CPNE9: variants seen among roughly 807,000 people sequenced by gnomAD.
The protein encoded by CPNE9 is copine family member 9, also known as copine-9.
CPNE9 carries 59 observed loss-of-function variants against 83.0 expected under a neutral mutation model. The ratio of observed to expected loss-of-function variants is 0.71; its 90% CI spans 0.58 to 0.88. The LOEUF (loss-of-function observed/expected upper bound fraction) is 0.88, where lower values mean the gene tolerates loss of function less well. CPNE9 is among the 40% of genes least tolerant of loss of function. The pLI is 0.00. For synonymous variants in CPNE9, 256 were observed against 273.4 expected, an observed-to-expected ratio of 0.94 and a Z score of 0.63; for missense variants, 619 against 720.8, an observed-to-expected ratio of 0.86 and a Z score of 1.62.
At position 9,704,820 on chromosome 3, in the gene CPNE9, C is replaced by T. The variant is rs368749767; in HGVS notation, c.156+25C>T. 6.2e-7 allele frequency: 1 copy of T among 1,600,098 alleles called. No individual in the cohort carries two copies. The highest frequency in any genetic ancestry group is 1.3e-5 in the African/African-American group (1 of 74,670). On this transcript the variant is annotated intron_variant, in intron 3 of 20. Coordinates refer to ENST00000383832, the MANE Select transcript of CPNE9 (RefSeq NM_153635.3). The surrounding 1 kb of genome is among the most constrained non-coding windows in gnomAD (Gnocchi z 7.1). ...GGTGAGTCCCAGAGCCCCCTCCCGGCCCAGGGCGTCGCCCGGGAATTCCCC... is the reference window on the plus strand; with the variant it reads ...GGTGAGTCCCAGAGCCCCCTCCCGGTCCAGGGCGTCGCCCGGGAATTCCCC...
chr3:9,715,511 T>A lies in CPNE9; in HGVS notation c.807T>A (p.Tyr269Ter). ...GGAAGAAATGTAAGAAGAAGAAATA[T>A]GTCAACTCAGGAACTGTGAGTGCTC... ...NPRKKCKKKK[Y>*]VNSGTVTLLS... Residue 269 changes from tyrosine (Y) to a stop codon, truncating the protein, a stop_gained, in exon 13 of 21, where the codon TAT becomes TAA. Coordinates refer to ENST00000383832, the MANE Select transcript of CPNE9 (RefSeq NM_153635.3). LOFTEE classifies it high-confidence loss of function. The A allele has an allele frequency of 6.2e-7, 1 of 1,614,040 alleles. No homozygotes were observed. The highest frequency in any genetic ancestry group is 8.5e-7 in the Non-Finnish European group (1 of 1,179,882).
chr3:9,706,390 C>G (rs781757373), intron 7 of CPNE9, among the ~76,000 whole-genome samples: 2 of 152,016 alleles, frequency 1.3e-5, no homozygotes, highest in African/African-American at 2.4e-5. Flanking sequence ...CGGACTAAGT[C>G]AAATCCTCAG....
chr3:9,721,396 C>T (rs1326448693), intron 17 of CPNE9, among the ~76,000 whole-genome samples: 1 of 152,194 alleles, frequency 6.6e-6, no homozygotes, highest in Non-Finnish European at 1.5e-5. Context: ...TCTCACATTG[C>T]ATCCCTGTTT....
chr3:9,710,048 C>T (rs1009697808), intron 7 of CPNE9, among the ~76,000 whole-genome samples: 3 of 150,784 alleles, frequency 2.0e-5, no homozygotes, highest in African/African-American at 7.3e-5. Context: ...CTACATTGGC[C>T]GGGCATAGTG....
intron 20 of CPNE9, among the ~76,000 whole-genome samples, chr3:9,728,637 A>G (rs1385365276): frequency 1.3e-5 from 2 of 152,208 alleles, no homozygotes; most frequent in East Asian, 1.9e-4. Context: ...AGAAAAAAAT[A>G]AAATAAATAA....
At position 9,705,905 on chromosome 3, in the gene CPNE9, C is replaced by G. The variant is rs2076559456; in HGVS notation, c.301-82C>G. ...TCATTCGCCTGGGAACTGCCCTGGTCCTGTGCAGGAGCATCACTGGGGCTA... is the reference window on the plus strand; with the variant it reads ...TCATTCGCCTGGGAACTGCCCTGGTGCTGTGCAGGAGCATCACTGGGGCTA... On this transcript the variant is annotated intron_variant, in intron 6 of 20. Coordinates refer to ENST00000383832, the MANE Select transcript of CPNE9 (RefSeq NM_153635.3). The G allele has an allele frequency of 7.4e-6, 11 of 1,487,058 alleles. No individual in the cohort carries two copies. The South Asian group carries it at 1.3e-4, about 17-fold the overall frequency. 92.1% of individuals were successfully genotyped at this position (1,487,058 alleles called of 1,614,324 possible). A position where few individuals can be genotyped will look rare whatever the true frequency, so the allele number is the denominator to read the frequency against.
chr3:9,727,601 A>T lies in CPNE9; in HGVS notation c.1476+415A>T, dbSNP rs1393865209. Among the ~76,000 whole-genome samples, 7 of 152,274 alleles carry T rather than the reference A, an allele frequency of 4.6e-5. No individual in the cohort carries two copies. In the South Asian group the frequency reaches 1.0e-3, roughly 23 times the overall value. On this transcript the variant is annotated intron_variant, in intron 20 of 20. Coordinates refer to ENST00000383832, the MANE Select transcript of CPNE9 (RefSeq NM_153635.3). ...AGGGGATAAGCATTACAGGGAGAGG[A>T]GCAGCATGTGAGAAGGCTCTGAGGC...
chr3:9,708,623 C>T (rs1026608369), intron 7 of CPNE9, among the ~76,000 whole-genome samples: 6 of 152,092 alleles, frequency 3.9e-5, no homozygotes, highest in African/African-American at 1.2e-4. Context: ...AATGGAAGAG[C>T]GGGAAAGGAG....
At chr3:9,723,135 G>A (rs762897348) in intron 17 of CPNE9, among the ~76,000 whole-genome samples, 1 of 152,200 alleles carries the variant, frequency 6.6e-6, no homozygotes, top group Non-Finnish European at 1.5e-5. Flanking sequence ...CCAGGTCTCT[G>A]AGGAGGCTGG....
intron 6 of CPNE9, 45 bp from the exon 7 acceptor site, chr3:9,705,942 A>C: frequency 6.3e-7 from 1 of 1,594,612 alleles, no homozygotes; most frequent in Non-Finnish European, 8.6e-7. Flanking sequence ...GCTGGGACTC[A>C]GCACTCAAGA....
At chr3:9,707,168 A>G (rs1055378495) in intron 7 of CPNE9, among the ~76,000 whole-genome samples, 30 of 152,050 alleles carry the variant, frequency 2.0e-4, no homozygotes, top group Middle Eastern at 3.4e-3. Context: ...CCTGGCTAAC[A>G]CGGTGAAACC....
intron 17 of CPNE9, among the ~76,000 whole-genome samples, chr3:9,723,754 C>T (rs777374552): frequency 2.0e-5 from 3 of 152,022 alleles, no homozygotes; most frequent in Non-Finnish European, 2.9e-5. Context: ...ATGTTGCCCA[C>T]GCTGTTCTCA....
In CPNE9 at chr3:9,705,737, C is replaced by T. The variant is rs781038710; in HGVS notation, c.300+17C>T. On this transcript the variant is annotated intron_variant, in intron 6 of 20. Transcript: ENST00000383832. ...CTGCAGAAGGTGAGGCTGAATGGGG[C>T]TGGGCAGAGGTTGGGGGTGGGGGTG... is the stretch of plus-strand genomic sequence containing the variant. 11 of 1,604,092 alleles carry T rather than the reference C, an allele frequency of 6.9e-6. No individual in the cohort carries two copies. The South Asian group carries it at 1.1e-4, about 16-fold the overall frequency.
rs1559640895 is a variant in CPNE9 at position 9,715,476 on chromosome 3, C to G, written c.772C>G (p.Leu258Val). 4.3e-6 allele frequency: 7 copies of G among 1,613,992 alleles called. No homozygotes were observed. Among genetic ancestry groups the G allele is most frequent in the African/African-American group, 1.3e-5 (1 of 75,042 alleles). ...CACTGTTACCTCCTCCCCTTAGGTTCTTAACCCTCGGAAGAAATGTAAGAA... is the reference window on the plus strand; with the variant it reads ...CACTGTTACCTCCTCCCCTTAGGTTGTTAACCCTCGGAAGAAATGTAAGAA... ...AQNQFTVYEV[L>V]NPRKKCKKKK... The change falls in exon 13 of 21, where the codon CTT becomes GTT. Residue 258 changes from leucine (L) to valine (V), a missense_variant. By Grantham distance (32) the Leu-to-Val change is conservative. This residue lies in a region of CPNE9 where 438 missense variants were observed against 562.9 expected (regional missense o/e 0.78). Transcript: ENST00000383832.
Position 9,704,056 on chromosome 3 carries a change from G to A in CPNE9, c.60G>A (p.Val20=). The A allele has an allele frequency of 6.2e-7, 1 of 1,607,330 alleles. No individual in the cohort carries two copies. Among genetic ancestry groups the A allele is most frequent in the East Asian group, 2.2e-5 (1 of 44,624 alleles). The change falls in exon 1 of 21, where the codon GTG becomes GTA. Residue 20 remains valine (V), a synonymous_variant. Coordinates refer to ENST00000383832, the MANE Select transcript of CPNE9 (RefSeq NM_153635.3). The surrounding 1 kb of genome is among the most constrained non-coding windows in gnomAD (Gnocchi z 7.1). ...CGGCCACCAAGATTGAAATTACCGT[G>A]TCCTGCCGGTGAGCGGGCCGCGCTG... ...SVPATKIEIT[V]SCRNLLDLDT...
At position 9,729,453 on chromosome 3, in the gene CPNE9, C is replaced by T. The variant is rs112973269; in HGVS notation, c.1477-54C>T. On this transcript the variant is annotated intron_variant, in intron 20 of 20. Transcript: ENST00000383832. ...AAAAAGAAGCCTCCCTGCTGCACCC[C>T]CATGCCCTCTCTCCTGGTCATGGCT... 2,980 of 1,547,698 alleles carry T rather than the reference C, an allele frequency of 1.9e-3. 64 individuals carry two copies. The African/African-American group carries it at 0.036, about 19-fold the overall frequency.
rs2076541903 is a variant in CPNE9, at chr3:9,704,681, G to A, written c.109+54G>A. ...ACTTGGGGTCTGGGCGCGACTCAGG[G>A]GCGGGTGGAGTCGGGGCCAGGGGTG... is the stretch of plus-strand genomic sequence containing the variant. On this transcript the variant is annotated intron_variant, in intron 2 of 20. Coordinates refer to ENST00000383832, the MANE Select transcript of CPNE9 (RefSeq NM_153635.3). The surrounding 1 kb of genome is among the most constrained non-coding windows in gnomAD (Gnocchi z 7.1). The A allele has an allele frequency of 1.2e-6, 2 of 1,610,496 alleles. No individual in the cohort carries two copies. Among genetic ancestry groups the A allele is most frequent in the East Asian group, 4.5e-5 (2 of 44,856 alleles).
intron 20 of CPNE9, among the ~76,000 whole-genome samples, chr3:9,728,545 C>T (rs1373593446): frequency 2.0e-5 from 3 of 152,150 alleles, no homozygotes; most frequent in Non-Finnish European, 4.4e-5. Context: ...ATCACTTGAA[C>T]CCGGGAGGCA....
intron 18 of CPNE9, 32 bp downstream of exon 18, chr3:9,726,083 G>T (rs766209800): frequency 5.7e-6 from 8 of 1,409,146 alleles, no homozygotes; most frequent in South Asian, 2.5e-5. Flanking sequence ...TGGCAGGGAG[G>T]AGTAATGTCA....
Sources: gnomAD v4.1 joint callset for allele counts (sites outside exome capture counted in the v4.1 genomes callset) on GRCh38, gnomAD v4.1.1 for gene constraint, gnomAD v4.1.1 regional missense constraint, Gnocchi (gnomAD v3.1) non-coding constraint, MANE v1.5 for transcripts, NCBI Gene and HGNC (gene_info 2026-07-23, HGNC 2026-07-21) for gene names.